The following RBFOX1 variants were observed in gnomAD, a reference collection of about 807,000 sequenced individuals.
RBFOX1 encodes RNA binding fox-1 homolog 1.
A neutral mutation model predicts 57.7 loss-of-function variants in RBFOX1; 8 were observed. The observed-to-expected ratio is 0.14, with a 90% CI of 0.08 to 0.25. RBFOX1 has a LOEUF of 0.25. RBFOX1 is among the 10% of genes least tolerant of loss of function. The pLI, the probability that RBFOX1 is intolerant of heterozygous loss-of-function variation, is 1.00. For missense variants in RBFOX1, 611 were observed against 548.5 expected (o/e 1.11, Z -1.14); for synonymous variants, 326 against 222.4 (o/e 1.47, Z -4.15).
intron 13 of RBFOX1, among the ~76,000 whole-genome samples, chr16:7,669,985 A>G (rs1406845086): frequency 6.6e-6 from 1 of 152,110 alleles, no homozygotes; most frequent in Non-Finnish European, 1.5e-5. Context: ...TCTCCTCACC[A>G]CAGCCCTTGA....
chr16:6,575,369 G>A (rs1724796441), intron 2 of RBFOX1, among the ~76,000 whole-genome samples: 1 of 152,066 alleles, frequency 6.6e-6, no homozygotes, highest in Non-Finnish European at 1.5e-5. Context: ...TCTATAGATT[G>A]CTGGAAACTG....
intron 3 of RBFOX1, among the ~76,000 whole-genome samples, chr16:6,761,526 G>C (rs867136261): frequency 4.7e-4 from 1 of 2,108 alleles, no homozygotes; most frequent in African/African-American, 1.2e-3. Context: ...TTTTTTTTTT[G>C]AGACAGAGTC....
chr16:5,374,245 T>G (rs1345264966), intron 1 of RBFOX1, among the ~76,000 whole-genome samples: 1 of 152,194 alleles, frequency 6.6e-6, no homozygotes, highest in Non-Finnish European at 1.5e-5. Context: ...GCTCGTCAGT[T>G]TCAGGTAGTT....
intron 4 of RBFOX1, among the ~76,000 whole-genome samples, chr16:7,253,889 G>T (rs998520384): frequency 5.3e-5 from 8 of 152,066 alleles, no homozygotes; most frequent in African/African-American, 1.9e-4. Flanking sequence ...TATTTTGTTC[G>T]TTCATTACCT....
Position 5,542,422 on chromosome 16 carries a change from T to A in RBFOX1, c.259-56480T>A, listed in dbSNP as rs1427108289. Among the ~76,000 whole-genome samples, 3 of 151,574 alleles carry A rather than the reference T, an allele frequency of 2.0e-5. No individual in the cohort carries two copies. The East Asian group carries it at 5.8e-4, about 30-fold the overall frequency. On this transcript the variant is annotated intron_variant, in intron 2 of 2. Transcript: ENST00000585867. ...CGCCACCATGCCTGGCTAATTTTTT[T>A]TTTTTTTTGTATTTTTAGTAGAGAT...
rs2041839141 is a variant in RBFOX1 at position 7,028,978 on chromosome 16, G to T, written c.-15-23079G>T. ...ATAGCAGCAAGCATGCTGTTTGGAA[G>T]ACCAATCTCCAGATGAACTTAACTA... On this transcript the variant is annotated intron_variant, in intron 3 of 15. Coordinates refer to ENST00000550418, the MANE Select transcript of RBFOX1 (RefSeq NM_018723.4). 4.1e-5 allele frequency among the ~76,000 whole-genome samples: 6 copies of T among 145,600 alleles called. 1 individual carries two copies. The South Asian group carries it at 1.3e-3, about 32-fold the overall frequency.
intron 3 of RBFOX1, among the ~76,000 whole-genome samples, chr16:6,783,989 T>G (rs1336064495): frequency 6.6e-6 from 1 of 152,200 alleles, no homozygotes; most frequent in East Asian, 1.9e-4. Flanking sequence ...ATAAGGTTTC[T>G]GCTGAGAAGT....
chr16:7,596,420 A>G (rs909853279), intron 8 of RBFOX1, among the ~76,000 whole-genome samples: 1 of 151,674 alleles, frequency 6.6e-6, no homozygotes, highest in African/African-American at 2.4e-5. Context: ...AAGATGTTGC[A>G]TATTTTGCCT....
Position 5,342,156 on chromosome 16 carries a change from A to G in RBFOX1, c.219+102051A>G, listed in dbSNP as rs547857888. 4.6e-5 allele frequency among the ~76,000 whole-genome samples: 7 copies of G among 152,314 alleles called. No homozygotes were observed. In the South Asian group the frequency reaches 1.2e-3, roughly 27 times the overall value. ...ATTTTCCACCTTCTAATTGCTTTGCATATATGTTCATTTCTTCTCACACAG... is the reference window on the plus strand; with the variant it reads ...ATTTTCCACCTTCTAATTGCTTTGCGTATATGTTCATTTCTTCTCACACAG... On this transcript the variant is annotated intron_variant, in intron 1 of 2. Coordinates refer to the RBFOX1 transcript ENST00000585867.
At chr16:7,343,854 T>G (rs1014246689) in intron 4 of RBFOX1, among the ~76,000 whole-genome samples, 1 of 152,152 alleles carries the variant, frequency 6.6e-6, no homozygotes, top group Non-Finnish European at 1.5e-5. Flanking sequence ...TCACCCTCTT[T>G]GAGTGGTTGT....
rs113225864 is a variant in RBFOX1 at position 5,678,871 on chromosome 16, C to T, written c.318+79910C>T. Among the ~76,000 whole-genome samples the T allele has an allele frequency of 2.4e-4, 36 of 152,290 alleles. 1 individual carries two copies. The highest frequency in any genetic ancestry group is 6.5e-4 in the African/African-American group (27 of 41,550). Reference sequence around the variant, plus strand: ...CACTCTTCTCATTCTTATTTGTAGACCCAGCTCATGGGTAAGGATGGACAG... The same window carrying T: ...CACTCTTCTCATTCTTATTTGTAGATCCAGCTCATGGGTAAGGATGGACAG... On this transcript the variant is annotated intron_variant, in intron 3 of 19. Transcript: ENST00000641259.
At chr16:6,976,139 G>C (rs2345819) in intron 3 of RBFOX1, among the ~76,000 whole-genome samples, 51,317 of 85,554 alleles carry the variant, frequency 0.6, 12,483 homozygotes, top group African/African-American at 0.75. Flanking sequence ...AAAGGAAAAA[G>C]AAACAAACAA....
chr16:6,845,829 AC>A (rs754736332), intron 3 of RBFOX1, among the ~76,000 whole-genome samples: 13 of 152,008 alleles, frequency 8.6e-5, no homozygotes, highest in African/African-American at 1.9e-4. Flanking sequence ...CCTCTTCCTT[AC>A]CCCTCTTGGG....
intron 1 of RBFOX1, among the ~76,000 whole-genome samples, chr16:6,224,704 C>T (rs2097402837): frequency 6.6e-6 from 1 of 152,096 alleles, no homozygotes; most frequent in Admixed American, 6.6e-5. Flanking sequence ...AAGCAACAAT[C>T]AGATGGTCAA....
At chr16:7,340,354 C>T (rs1436661943) in intron 4 of RBFOX1, among the ~76,000 whole-genome samples, 1 of 152,216 alleles carries the variant, frequency 6.6e-6, no homozygotes, top group Non-Finnish European at 1.5e-5. Flanking sequence ...TCACTTGTTG[C>T]CATTGATCAT....
chr16:5,995,984 C>T (rs1200384575), intron 4 of RBFOX1, among the ~76,000 whole-genome samples: 1 of 152,106 alleles, frequency 6.6e-6, no homozygotes, highest in African/African-American at 2.4e-5. Context: ...TCATAGATGG[C>T]ATCTTTTTCT....
intron 5 of RBFOX1, among the ~76,000 whole-genome samples, chr16:7,520,842 A>G (rs752718158): frequency 1.3e-5 from 2 of 152,200 alleles, no homozygotes; most frequent in Non-Finnish European, 2.9e-5. Flanking sequence ...CCAATCAGAC[A>G]TTATTTATTA....
chr16:6,652,423 G>A (rs1160355327), intron 2 of RBFOX1, among the ~76,000 whole-genome samples: 1 of 151,972 alleles, frequency 6.6e-6, no homozygotes, highest in African/African-American at 2.4e-5. Context: ...ACTCCAGTCT[G>A]GCGACAGAGC....
At chr16:5,389,566 G>C (rs963238289) in intron 1 of RBFOX1, among the ~76,000 whole-genome samples, 15 of 152,158 alleles carry the variant, frequency 9.9e-5, no homozygotes, top group Admixed American at 5.2e-4. Flanking sequence ...CAATCATTGG[G>C]GGCATCCTTT....
Sources: gnomAD v4.1 joint callset for allele counts (sites outside exome capture counted in the v4.1 genomes callset) on GRCh38, gnomAD v4.1.1 for gene constraint, MANE v1.5 for transcripts, NCBI Gene and HGNC (gene_info 2026-07-23, HGNC 2026-07-21) for gene names.